UNC13A: variants seen among roughly 807,000 people sequenced by gnomAD.
UNC13A encodes the protein protein unc-13 homolog A.
UNC13A carries 61 observed loss-of-function variants against 219.7 expected under a neutral mutation model. The observed-to-expected ratio is 0.28, with a 90% CI of 0.23 to 0.34. UNC13A has a LOEUF of 0.34. Ranked by LOEUF, UNC13A falls within the 10% of genes least tolerant of loss-of-function variation. The pLI, the probability that UNC13A is intolerant of heterozygous loss-of-function variation, is 1.00. For synonymous variants in UNC13A, 920 were observed against 884.6 expected (o/e 1.04, Z -0.71); for missense variants, 1,476 against 2,270.3 (o/e 0.65, Z 7.11).
At chr19:17,653,484 A>T (rs925462696) in intron 11 of UNC13A, among the ~76,000 whole-genome samples, 1 of 151,794 alleles carries the variant, frequency 6.6e-6, no homozygotes, top group African/African-American at 2.4e-5. Context: ...AGTAGCTGGG[A>T]TTACAGGTGC....
Position 17,688,248 on chromosome 19 carries a change from G to T in UNC13A, c.-49C>A, listed in dbSNP as rs1386352940. On this transcript the variant is annotated 5_prime_UTR_variant, in exon 1 of 44. Transcript: ENST00000519716. The stretch of plus-strand genomic sequence containing the variant: ...GGAGGCGGCCGGGCCGGCTCTGTCG[G>T]GTCGGGCTCAGCGGCCGCTGGGCTG... 1 of 1,435,604 alleles carries T rather than the reference G, an allele frequency of 7.0e-7. No individual in the cohort carries two copies. Among genetic ancestry groups the T allele is most frequent in the Non-Finnish European group, 9.1e-7 (1 of 1,094,226 alleles). 88.9% of individuals were successfully genotyped at this position (1,435,604 alleles called of 1,614,324 possible).
chr19:17,679,649 G>T (rs368759817), intron 1 of UNC13A, among the ~76,000 whole-genome samples: 6 of 152,078 alleles, frequency 3.9e-5, no homozygotes, highest in African/African-American at 1.2e-4. Flanking sequence ...ATGGATTTAG[G>T]CTCAGCGGGG....
chr19:17,615,175 A>T (rs1288118490), intron 41 of UNC13A, among the ~76,000 whole-genome samples: 1 of 152,234 alleles, frequency 6.6e-6, no homozygotes, highest in African/African-American at 2.4e-5. Flanking sequence ...GGGCAGTTAA[A>T]GAAATCTGTT....
At chr19:17,618,114 A>C (rs1327103091) in intron 40 of UNC13A, among the ~76,000 whole-genome samples, 1 of 152,060 alleles carries the variant, frequency 6.6e-6, no homozygotes, top group Non-Finnish European at 1.5e-5. Context: ...AATGCCTGGC[A>C]CGAGGTCCTT....
rs189267928 is a variant in UNC13A at position 17,650,976 on chromosome 19, C to T, written c.1440-1389G>A. Among the ~76,000 whole-genome samples, 852 of 147,022 alleles carry T rather than the reference C, an allele frequency of 5.8e-3. 8 individuals carry two copies. The highest frequency in any genetic ancestry group is 0.02 in the African/African-American group (822 of 40,194). ...TTTTTGAGATGGAGTCTCGCTCTGT[C>T]GCCCAGGCTGGAATGCAATGGTATG... On this transcript the variant is annotated intron_variant, in intron 12 of 43. Coordinates refer to ENST00000519716, the MANE Select transcript of UNC13A (RefSeq NM_001080421.3).
At chr19:17,617,580 G>A in intron 41 of UNC13A, 122 bp downstream of exon 41, 1 of 1,412,740 alleles carries the variant, frequency 7.1e-7, no homozygotes, top group South Asian at 1.3e-5. Context: ...ACTTGGTGCA[G>A]AGATGTCAAT....
Position 17,629,358 on chromosome 19 carries a change from G to T in UNC13A, c.3670-35C>A, listed in dbSNP as rs560306984. On this transcript the variant is annotated intron_variant, in intron 30 of 43. Transcript: ENST00000519716. ...ACACAGAGTGTGGGTGAGAGGAGAG[G>T]CTGGCACCAAGGCAGGCGCCAGTCG... is the stretch of plus-strand genomic sequence containing the variant. 1.3e-5 allele frequency: 21 copies of T among 1,580,196 alleles called. No homozygotes were observed. The East Asian group carries it at 4.3e-4, about 32-fold the overall frequency.
Position 17,603,455 on chromosome 19 carries a change from T to A in UNC13A, c.*2599A>T, listed in dbSNP as rs2076488082. The A allele has an allele frequency of 6.6e-6, 1 of 152,272 alleles. No individual in the cohort carries two copies. Among genetic ancestry groups the A allele is most frequent in the African/African-American group, 2.4e-5 (1 of 41,440 alleles). 9.4% of individuals were successfully genotyped at this position (152,272 alleles called of 1,614,324 possible). On this transcript the variant is annotated 3_prime_UTR_variant, in exon 44 of 44. Transcript: ENST00000519716. ...CCTCAGCCATGTCATGGTTCGAAATTCACATCTGCTCCTCAGTCCATATAA... is the reference window on the plus strand; with the variant it reads ...CCTCAGCCATGTCATGGTTCGAAATACACATCTGCTCCTCAGTCCATATAA...
At chr19:17,683,801 A>G (rs1200522160) in intron 1 of UNC13A, among the ~76,000 whole-genome samples, 1 of 152,132 alleles carries the variant, frequency 6.6e-6, no homozygotes, top group Non-Finnish European at 1.5e-5. Flanking sequence ...GAGCCTTTAA[A>G]ACATCAGTTG....
At chr19:17,668,915 C>G (rs566706686) in intron 5 of UNC13A, among the ~76,000 whole-genome samples, 2 of 152,322 alleles carry the variant, frequency 1.3e-5, no homozygotes, top group East Asian at 3.9e-4. Flanking sequence ...CTTGCCTCAG[C>G]CTCCCAAATA....
chr19:17,661,335 G>A (rs1461194821), intron 8 of UNC13A, among the ~76,000 whole-genome samples: 1 of 152,100 alleles, frequency 6.6e-6, no homozygotes, highest in Admixed American at 6.6e-5. Context: ...TTGTCCACCA[G>A]GATATGAGGA....
At chr19:17,676,520 G>A (rs947251815) in intron 1 of UNC13A, among the ~76,000 whole-genome samples, 1 of 152,168 alleles carries the variant, frequency 6.6e-6, no homozygotes, top group Non-Finnish European at 1.5e-5. Flanking sequence ...CAGAAGAAGA[G>A]GGGAAGTTGA....
At chr19:17,625,658 C>T (rs2076774581) in intron 34 of UNC13A, among the ~76,000 whole-genome samples, 1 of 152,154 alleles carries the variant, frequency 6.6e-6, no homozygotes, top group South Asian at 2.1e-4. Flanking sequence ...TGCATCAAAA[C>T]ATTTATTCAT....
At chr19:17,678,440 C>T (rs1251573158) in intron 1 of UNC13A, among the ~76,000 whole-genome samples, 2 of 152,196 alleles carry the variant, frequency 1.3e-5, no homozygotes, top group Admixed American at 1.3e-4. Flanking sequence ...GATTGTGCCA[C>T]TGCACTGCAG....
intron 7 of UNC13A, among the ~76,000 whole-genome samples, 189 bp from the exon 8 acceptor site, chr19:17,663,756 G>C (rs1272175639): frequency 6.6e-6 from 1 of 151,862 alleles, no homozygotes; most frequent in East Asian, 1.9e-4. Context: ...CTCCACCTTG[G>C]GAGGAAGGTG....
chr19:17,623,594 G>C (rs756261735), intron 35 of UNC13A, 47 bp from the exon 36 acceptor site: 94 of 1,039,038 alleles, frequency 9.0e-5, no homozygotes, highest in Non-Finnish European at 1.1e-4. Flanking sequence ...GGGGAATAAG[G>C]TACCATGAGT....
intron 8 of UNC13A, among the ~76,000 whole-genome samples, chr19:17,658,772 T>C (rs2079504822): frequency 6.6e-6 from 1 of 152,150 alleles, no homozygotes; most frequent in South Asian, 2.1e-4. Context: ...TTAACAAATA[T>C]GCAAGAACCA....
At chr19:17,654,118 C>T (rs1459625184) in intron 11 of UNC13A, among the ~76,000 whole-genome samples, 9 of 152,178 alleles carry the variant, frequency 5.9e-5, no homozygotes, top group African/African-American at 9.7e-5. Context: ...TGAGCAACCA[C>T]GCCCGGCCAT....
intron 1 of UNC13A, among the ~76,000 whole-genome samples, chr19:17,682,562 G>A (rs1599422032): frequency 6.6e-6 from 1 of 152,290 alleles, no homozygotes; most frequent in African/African-American, 2.4e-5. Flanking sequence ...GGGTTAGGCT[G>A]CAGCCCTGAA....
Sources: gnomAD v4.1 joint callset for allele counts (sites outside exome capture counted in the v4.1 genomes callset) on GRCh38, gnomAD v4.1.1 for gene constraint, MANE v1.5 for transcripts, NCBI Gene and HGNC (gene_info 2026-07-23, HGNC 2026-07-21) for gene names.